AGAP1: variants seen among roughly 807,000 people sequenced by gnomAD.
AGAP1 encodes arf-GAP with GTPase, ANK repeat and PH domain-containing protein 1.
In AGAP1, 29 loss-of-function variants were observed where a neutral mutation model predicts 105.3. The ratio of observed to expected loss-of-function variants is 0.28; its 90% CI spans 0.21 to 0.38. The LOEUF (loss-of-function observed/expected upper bound fraction) is 0.38, where lower values mean the gene tolerates loss of function less well. AGAP1 is among the 10% of genes least tolerant of loss of function. The pLI is 1.00. For missense variants in AGAP1, 998 were observed against 1,165.1 expected, an observed-to-expected ratio of 0.86 and a Z score of 2.09; for synonymous variants, 509 against 485.9, an observed-to-expected ratio of 1.05 and a Z score of -0.63.
rs765078553 is a variant in AGAP1 at position 235,620,761 on chromosome 2, G to A, written c.164-88418G>A. ...AGCACCTAGACAGGACCTAGCCAAT[G>A]CTAGGCCCTTTGTCGATGTTCGTTA... On this transcript the variant is annotated intron_variant, in intron 1 of 17. Coordinates refer to ENST00000304032, the MANE Select transcript of AGAP1 (RefSeq NM_001037131.3). This position sits in a 1 kb window ranked among gnomAD's most constrained non-coding sequence, Gnocchi z 4.5. Among the ~76,000 whole-genome samples, 16 of 152,244 alleles carry A rather than the reference G, an allele frequency of 1.1e-4. No homozygotes were observed. Among genetic ancestry groups the A allele is most frequent in the Non-Finnish European group, 1.6e-4 (11 of 68,042 alleles).
rs750125176 is a variant in AGAP1, at chr2:236,055,671, C to T, written c.2114+6390C>T. Among the ~76,000 whole-genome samples the T allele has an allele frequency of 1.6e-4, 25 of 152,238 alleles. No homozygotes were observed. The highest frequency in any genetic ancestry group is 3.2e-4 in the Non-Finnish European group (22 of 68,050). Reference sequence around the variant, plus strand: ...ACAGTGGCAGCCTTCTCCGAGGAGCCGTGGGTTTGCAGGCACACCGTCTGC... The same window carrying T: ...ACAGTGGCAGCCTTCTCCGAGGAGCTGTGGGTTTGCAGGCACACCGTCTGC... On this transcript the variant is annotated intron_variant, in intron 16 of 17. Coordinates refer to ENST00000304032, the MANE Select transcript of AGAP1 (RefSeq NM_001037131.3). The surrounding 1 kb of genome is among the most constrained non-coding windows in gnomAD (Gnocchi z 6.2).
chr2:235,530,875 T>G (rs1559227447), intron 1 of AGAP1, among the ~76,000 whole-genome samples: 1 of 152,180 alleles, frequency 6.6e-6, no homozygotes, highest in Non-Finnish European at 1.5e-5. Context: ...CTCAGTGTCC[T>G]TCCTCTGTGT....
rs2058213471 is a variant in AGAP1, at chr2:236,062,104, G to A, written c.2114+12823G>A. On this transcript the variant is annotated intron_variant, in intron 16 of 17. Coordinates refer to ENST00000304032, the MANE Select transcript of AGAP1 (RefSeq NM_001037131.3). The surrounding 1 kb of genome is among the most constrained non-coding windows in gnomAD (Gnocchi z 4.2). Reference sequence around the variant, plus strand: ...TTCCTGCCCTGCGGACGGCCCACAGGGGAGCGAGAGCAGGTGGAAGGTGGT... The same window carrying A: ...TTCCTGCCCTGCGGACGGCCCACAGAGGAGCGAGAGCAGGTGGAAGGTGGT... 6.6e-6 allele frequency among the ~76,000 whole-genome samples: 1 copy of A among 152,172 alleles called. No individual in the cohort carries two copies. The highest frequency in any genetic ancestry group is 6.5e-5 in the Admixed American group (1 of 15,280).
chr2:235,765,624 C>T (rs367554941), intron 6 of AGAP1, among the ~76,000 whole-genome samples: 1 of 152,274 alleles, frequency 6.6e-6, no homozygotes, highest in East Asian at 1.9e-4. Context: ...GCTAAATGTT[C>T]GGCAGCACTT....
chr2:235,738,888 T>C (rs2149650873), intron 3 of AGAP1, among the ~76,000 whole-genome samples: 1 of 152,316 alleles, frequency 6.6e-6, no homozygotes, highest in South Asian at 2.1e-4. Context: ...AACAGTCAAA[T>C]TCAATTCACA....
At chr2:236,070,035 C>G (rs2058456700) in intron 16 of AGAP1, among the ~76,000 whole-genome samples, 1 of 152,274 alleles carries the variant, frequency 6.6e-6, no homozygotes, top group South Asian at 2.1e-4. Context: ...CACTGGTCCA[C>G]TGTCAGTGGC....
intron 10 of AGAP1, among the ~76,000 whole-genome samples, chr2:235,886,392 A>G (rs1289279346): frequency 6.6e-6 from 1 of 152,278 alleles, no homozygotes; most frequent in Non-Finnish European, 1.5e-5. Flanking sequence ...AGGGGCAGAT[A>G]TGGTAACAAC....
rs1227094060 is a variant in AGAP1, at chr2:235,964,768, T to G, written c.1484-3694T>G. On this transcript the variant is annotated intron_variant, in intron 12 of 17. Transcript: ENST00000304032. This position sits in a 1 kb window ranked among gnomAD's most constrained non-coding sequence, Gnocchi z 4.6. ...ACCACTACTTTAGAAATATCAGTAT[T>G]GTAAAATCATGGGACAGCTTAAAAG... Among the ~76,000 whole-genome samples the G allele has an allele frequency of 6.6e-6, 1 of 152,188 alleles. No individual in the cohort carries two copies. Among genetic ancestry groups the G allele is most frequent in the East Asian group, 1.9e-4 (1 of 5,202 alleles).
rs1268100812 is a variant in AGAP1 at position 235,958,449 on chromosome 2, C to T, written c.1484-10013C>T. On this transcript the variant is annotated intron_variant, in intron 12 of 17. Transcript: ENST00000304032. This position sits in a 1 kb window ranked among gnomAD's most constrained non-coding sequence, Gnocchi z 4.1. ...GGACACATTTAGAGACCCTCGGGAG[C>T]GCGAGGGATATGAGAATCACAAGCA... 4.6e-5 allele frequency among the ~76,000 whole-genome samples: 7 copies of T among 152,032 alleles called. No individual in the cohort carries two copies. Among genetic ancestry groups the T allele is most frequent in the Admixed American group, 6.6e-5 (1 of 15,264 alleles).
intron 9 of AGAP1, among the ~76,000 whole-genome samples, chr2:235,811,280 TC>T (rs1958125817): frequency 6.6e-6 from 1 of 152,236 alleles, no homozygotes; most frequent in Non-Finnish European, 1.5e-5. Context: ...GCCTCTGATG[TC>T]CAGGCTGCAT....
chr2:235,499,097 C>T (rs1275522042), intron 1 of AGAP1, among the ~76,000 whole-genome samples: 1 of 152,172 alleles, frequency 6.6e-6, no homozygotes, highest in Non-Finnish European at 1.5e-5. Context: ...CTGCTGAGGC[C>T]AGAAAGCTTA....
intron 12 of AGAP1, among the ~76,000 whole-genome samples, chr2:235,955,175 C>T (rs1163396823): frequency 6.6e-6 from 1 of 152,136 alleles, no homozygotes; most frequent in Non-Finnish European, 1.5e-5. Context: ...TAGGCTGGGG[C>T]TGGAGCTGCC....
intron 1 of AGAP1, among the ~76,000 whole-genome samples, chr2:235,682,158 G>C (rs114679171): frequency 0.028 from 4,196 of 151,772 alleles, 194 homozygotes; most frequent in African/African-American, 0.096. Context: ...GCCTCGGTTT[G>C]CATATTTTAT....
chr2:235,606,529 G>T (rs1339284943), intron 1 of AGAP1, among the ~76,000 whole-genome samples: 1 of 152,152 alleles, frequency 6.6e-6, no homozygotes, highest in Non-Finnish European at 1.5e-5. Context: ...AAAAAAGTGG[G>T]CATCAGAATG....
rs1020786808 is a variant in AGAP1, at chr2:235,555,976, C to T, written c.163+61127C>T. Among the ~76,000 whole-genome samples, 5 of 152,186 alleles carry T rather than the reference C, an allele frequency of 3.3e-5. No homozygotes were observed. The highest frequency in any genetic ancestry group is 2.1e-4 in the South Asian group (1 of 4,824). Reference sequence around the variant, plus strand: ...CAATACTTAGACCTCAAAAACAAAGCGATGTAGACCTATCTGCTGTGTCCT... The same window carrying T: ...CAATACTTAGACCTCAAAAACAAAGTGATGTAGACCTATCTGCTGTGTCCT... On this transcript the variant is annotated intron_variant, in intron 1 of 17. Coordinates refer to ENST00000304032, the MANE Select transcript of AGAP1 (RefSeq NM_001037131.3). This position sits in a 1 kb window ranked among gnomAD's most constrained non-coding sequence, Gnocchi z 5.1.
At chr2:235,839,847 A>G (rs1478354521) in intron 9 of AGAP1, among the ~76,000 whole-genome samples, 1 of 152,180 alleles carries the variant, frequency 6.6e-6, no homozygotes. Context: ...TTTGAAAGAC[A>G]TTTTGGTAGC....
chr2:235,500,168 G>C (rs898434715), intron 1 of AGAP1, among the ~76,000 whole-genome samples: 5 of 152,156 alleles, frequency 3.3e-5, no homozygotes, highest in Non-Finnish European at 7.3e-5. Context: ...GTCTACAACA[G>C]GTTGGTGTTT....
At position 236,126,629 on chromosome 2, in the gene AGAP1, A is replaced by AGCT. The variant is rs1405065023; in HGVS notation, c.*2510_*2512dup. 1 of 152,142 alleles carries AGCT rather than the reference A, an allele frequency of 6.6e-6. No homozygotes were observed. Among genetic ancestry groups the AGCT allele is most frequent in the Non-Finnish European group, 1.5e-5 (1 of 68,020 alleles). 9.4% of individuals were successfully genotyped at this position (152,142 alleles called of 1,614,324 possible). Reference sequence around the variant, plus strand: ...TTTTCCCTTCCTGGCCCCCAGCACAAGCTGCCATGACTCCCCCTCAGAAAA... The same window carrying AGCT: ...TTTTCCCTTCCTGGCCCCCAGCACAAGCTGCTGCCATGACTCCCCCTCAGAAAA... On this transcript the variant is annotated 3_prime_UTR_variant, in exon 18 of 18. Transcript: ENST00000304032.
At chr2:235,950,205 C>G (rs1322570441) in intron 12 of AGAP1, among the ~76,000 whole-genome samples, 1 of 152,276 alleles carries the variant, frequency 6.6e-6, no homozygotes, top group Admixed American at 6.5e-5. Flanking sequence ...GAGTAAGAAA[C>G]TCCCGCCAGT....
Sources: allele counts gnomAD v4.1 joint callset (sites outside exome capture counted in the v4.1 genomes callset), GRCh38; gene constraint gnomAD v4.1.1; non-coding constraint Gnocchi (gnomAD v3.1); transcripts MANE v1.5; gene names NCBI Gene and HGNC (gene_info 2026-07-23, HGNC 2026-07-21).